Variants in SLIT3 observed in about 807,000 individuals in gnomAD.
The protein encoded by SLIT3 is slit homolog 3 protein.
In SLIT3, 68 loss-of-function variants were observed where a neutral mutation model predicts 184.0. The ratio of observed to expected loss-of-function variants is 0.37; its 90% CI spans 0.30 to 0.45. SLIT3 has a LOEUF of 0.45. Ranked by LOEUF, SLIT3 falls within the 20% of genes least tolerant of loss-of-function variation. The probability of loss-of-function intolerance (pLI) is 1.00; values close to 1 mark genes in which losing one functional copy is unlikely to be tolerated. For missense variants in SLIT3, 1,707 were observed against 2,026.0 expected (o/e 0.84, Z 3.02); for synonymous variants, 831 against 828.6 (o/e 1.00, Z -0.05).
intron 3 of SLIT3, among the ~76,000 whole-genome samples, chr5:169,211,857 A>T (rs1764277210): frequency 1.3e-5 from 2 of 151,270 alleles, no homozygotes; most frequent in African/African-American, 4.9e-5. Context: ...TCATTGTTCA[A>T]CTCCCATTTA....
At chr5:168,932,506 A>G (rs536303718) in intron 4 of SLIT3, among the ~76,000 whole-genome samples, 1 of 152,244 alleles carries the variant, frequency 6.6e-6, no homozygotes, top group South Asian at 2.1e-4. Flanking sequence ...CTTGGTTTGT[A>G]AAATTTTCCA....
In SLIT3 at chr5:168,772,914, G is replaced by T. The variant is rs779773985; in HGVS notation, c.1326C>A (p.Asp442Glu). 1 of 1,612,370 alleles carries T rather than the reference G, an allele frequency of 6.2e-7. No homozygotes were observed. Among genetic ancestry groups the T allele is most frequent in the Non-Finnish European group, 8.5e-7 (1 of 1,179,162 alleles). The stretch of plus-strand genomic sequence containing the variant: ...AGTCGGCCAGCCACTTCAAGTGGCA[G>T]TCGCACACAAATGGGTTTTGGGCTA... ...LHLAQNPFVC[D>E]CHLKWLADYL... The change falls in exon 14 of 36, where the codon GAC becomes GAA. Residue 442 changes from aspartate to glutamate, a missense_variant. By Grantham distance (45) the Asp-to-Glu change is conservative. Around this residue, in one of 3 missense-constraint regions of SLIT3, gnomAD observed 1,307 missense variants for 1,511.6 expected, o/e 0.86. Coordinates refer to ENST00000519560, the MANE Select transcript of SLIT3 (RefSeq NM_003062.4).
intron 4 of SLIT3, among the ~76,000 whole-genome samples, chr5:169,073,572 A>G (rs750131): frequency 0.36 from 54,337 of 151,622 alleles, 10,693 homozygotes; most frequent in South Asian, 0.56. Flanking sequence ...GTGATCTCCA[A>G]TGTTGGAGGT....
chr5:168,891,621 G>A (rs1010856890), intron 4 of SLIT3, among the ~76,000 whole-genome samples: 5 of 152,198 alleles, frequency 3.3e-5, no homozygotes, highest in African/African-American at 1.2e-4. Context: ...CTGTGACTGA[G>A]GGTGAAGGCC....
chr5:169,112,173 G>T (rs1027209484), intron 4 of SLIT3, among the ~76,000 whole-genome samples: 1 of 152,226 alleles, frequency 6.6e-6, no homozygotes, highest in South Asian at 2.1e-4. Context: ...CTCAATGGGG[G>T]CAGGAGAGGC....
intron 4 of SLIT3, among the ~76,000 whole-genome samples, chr5:169,101,172 A>G (rs1036332095): frequency 6.6e-6 from 1 of 152,244 alleles, no homozygotes; most frequent in Admixed American, 6.5e-5. Flanking sequence ...TCTTCTAAGA[A>G]GAAAGCCATG....
intron 4 of SLIT3, among the ~76,000 whole-genome samples, chr5:169,137,327 C>CAT (rs761731942): frequency 8.0e-5 from 7 of 87,304 alleles, no homozygotes; most frequent in African/African-American, 2.9e-4. Flanking sequence ...CACACACACA[C>CAT]ACACACACAG....
intron 9 of SLIT3, among the ~76,000 whole-genome samples, chr5:168,806,210 A>C (rs1756950991): frequency 6.6e-6 from 1 of 152,238 alleles, no homozygotes; most frequent in African/African-American, 2.4e-5. Context: ...AAAAATAGGC[A>C]GTGGGAACCC....
chr5:169,164,158 C>A (rs1044969479), intron 4 of SLIT3, among the ~76,000 whole-genome samples: 1 of 152,296 alleles, frequency 6.6e-6, no homozygotes, highest in African/African-American at 2.4e-5. Flanking sequence ...ACCACACATT[C>A]GAAAGTCTGG....
chr5:168,924,237 G>A (rs775311305), intron 4 of SLIT3, among the ~76,000 whole-genome samples: 4 of 152,106 alleles, frequency 2.6e-5, no homozygotes, highest in East Asian at 1.9e-4. Context: ...GTCATGTGTC[G>A]GCCTGGACTG....
rs141953844 is a variant in SLIT3, at chr5:169,111,116, C to T, written c.413+82363G>A. Among the ~76,000 whole-genome samples, 952 of 152,314 alleles carry T rather than the reference C, an allele frequency of 6.3e-3. 4 individuals carry two copies. The highest frequency in any genetic ancestry group is 0.027 in the Middle Eastern group (8 of 294). On this transcript the variant is annotated intron_variant, in intron 4 of 35. Coordinates refer to ENST00000519560, the MANE Select transcript of SLIT3 (RefSeq NM_003062.4). The stretch of plus-strand genomic sequence containing the variant: ...ATGCCTAGGCCATTTTTCACCTCGT[C>T]TCTACCTGTTCATGTCCTCTCTACC...
chr5:169,209,195 GA>G (rs1283323022), intron 3 of SLIT3, among the ~76,000 whole-genome samples: 1 of 152,060 alleles, frequency 6.6e-6, no homozygotes, highest in African/African-American at 2.4e-5. Context: ...ACAAACATAT[GA>G]AAAAAAGCTC....
At chr5:169,106,125 A>C (rs1760198195) in intron 4 of SLIT3, among the ~76,000 whole-genome samples, 1 of 152,136 alleles carries the variant, frequency 6.6e-6, no homozygotes. Flanking sequence ...TGATGGGTTG[A>C]TGTGTGCAGA....
rs191604129 is a variant in SLIT3 at position 168,942,148 on chromosome 5, C to G, written c.414-58812G>C. ...GTTCAGGGATGGGCACATGACCAAG[C>G]TGGGCCAATGAGAATAAGCTCCAGA... is the stretch of plus-strand genomic sequence containing the variant. On this transcript the variant is annotated intron_variant, in intron 4 of 35. Transcript: ENST00000519560. 6.8e-4 allele frequency among the ~76,000 whole-genome samples: 104 copies of G among 152,298 alleles called. 1 individual carries two copies. Among genetic ancestry groups the G allele is most frequent in the Middle Eastern group, 3.4e-3 (1 of 294 alleles).
intron 26 of SLIT3, chr5:168,707,255 G>A: frequency 6.6e-6 from 1 of 152,434 alleles, no homozygotes; most frequent in Non-Finnish European, 1.5e-5. Flanking sequence ...GTTTGCTGGG[G>A]GTGTTTGAAC....
At chr5:168,891,686 C>G (rs1436990894) in intron 4 of SLIT3, among the ~76,000 whole-genome samples, 2 of 152,056 alleles carry the variant, frequency 1.3e-5, no homozygotes, top group Non-Finnish European at 2.9e-5. Flanking sequence ...GCATTCTGAC[C>G]AAAGGGAAAA....
chr5:168,766,881 A>T (rs1254824686), intron 14 of SLIT3, among the ~76,000 whole-genome samples: 2 of 152,254 alleles, frequency 1.3e-5, no homozygotes, highest in South Asian at 4.1e-4. Context: ...AACAGATGAA[A>T]GTCTGAAAGG....
chr5:169,005,003 G>T (rs755897429), intron 4 of SLIT3, among the ~76,000 whole-genome samples: 5 of 152,198 alleles, frequency 3.3e-5, no homozygotes, highest in Non-Finnish European at 5.9e-5. Flanking sequence ...TTTACAAATT[G>T]AGGGTTTGTG....
intron 4 of SLIT3, chr5:169,024,892 G>A (rs1248274244): frequency 6.6e-6 from 1 of 152,202 alleles, no homozygotes; most frequent in Non-Finnish European, 1.5e-5. Flanking sequence ...CAGGGCCACA[G>A]GATTAGAGAA....
Sources: gnomAD v4.1 joint callset for allele counts (sites outside exome capture counted in the v4.1 genomes callset) on GRCh38, gnomAD v4.1.1 for gene constraint, gnomAD v4.1.1 regional missense constraint, MANE v1.5 for transcripts, NCBI Gene and HGNC (gene_info 2026-07-23, HGNC 2026-07-21) for gene names.